The following F13A1 variants were observed in gnomAD, a reference collection of about 807,000 sequenced individuals.
F13A1 encodes the protein FSF, A subunit.
Under a neutral mutation model 80.1 loss-of-function variants are expected in F13A1, and 47 were observed. The observed-to-expected ratio is 0.59, with a 90% CI of 0.46 to 0.75. F13A1 has a LOEUF of 0.75. Ranked by LOEUF, F13A1 falls within the 30% of genes least tolerant of loss-of-function variation. The pLI is 0.00. For synonymous variants in F13A1, 349 were observed against 344.9 expected (o/e 1.01, Z -0.13); for missense variants, 817 against 930.4 (o/e 0.88, Z 1.59).
chr6:6,250,534 A>G lies in F13A1; in HGVS notation c.690+277T>C. ...GAACTAATGAGATTTCACTGTTCTA[A>G]GTGGCCAAAGCATTTCTCAATAGAA... is the stretch of plus-strand genomic sequence containing the variant. On this transcript the variant is annotated intron_variant, in intron 5 of 14. Coordinates refer to ENST00000264870, the MANE Select transcript of F13A1 (RefSeq NM_000129.4). The surrounding 1 kb of genome is among the most constrained non-coding windows in gnomAD (Gnocchi z 4.2). Among the ~76,000 whole-genome samples, 1 of 152,196 alleles carries G rather than the reference A, an allele frequency of 6.6e-6. No homozygotes were observed. Among genetic ancestry groups the G allele is most frequent in the East Asian group, 1.9e-4 (1 of 5,202 alleles).
rs901998055 is a variant in F13A1, at chr6:6,145,300, G to T, written c.*319C>A. 2.7e-6 allele frequency: 1 copy of T among 376,368 alleles called. No homozygotes were observed. The highest frequency in any genetic ancestry group is 2.1e-5 in the African/African-American group (1 of 48,048). The allele number at this position is 376,368 out of a possible 1,614,324, so 23.3% of individuals were successfully genotyped here. A position where few individuals can be genotyped will look rare whatever the true frequency, so the allele number is the denominator to read the frequency against. ...TTGAGCAAATCTCCCTGGTAAGAGA[G>T]CCCACTGATATTTGGAGATGTAGCC... On this transcript the variant is annotated 3_prime_UTR_variant, in exon 15 of 15. Coordinates refer to ENST00000264870, the MANE Select transcript of F13A1 (RefSeq NM_000129.4).
At chr6:6,233,989 A>G (rs962699499) in intron 6 of F13A1, among the ~76,000 whole-genome samples, 12 of 152,152 alleles carry the variant, frequency 7.9e-5, no homozygotes, top group Non-Finnish European at 1.6e-4. Context: ...CACAGCCAAC[A>G]TAATACTGAA....
At chr6:6,280,599 C>T (rs544273981) in intron 3 of F13A1, among the ~76,000 whole-genome samples, 1 of 152,108 alleles carries the variant, frequency 6.6e-6, no homozygotes, top group African/African-American at 2.4e-5. Context: ...CATAGATAAA[C>T]AATACAGGAG....
At chr6:6,241,913 C>T (rs1057290797) in intron 6 of F13A1, among the ~76,000 whole-genome samples, 8 of 152,046 alleles carry the variant, frequency 5.3e-5, no homozygotes, top group East Asian at 1.9e-4. Flanking sequence ...GTTTGCTCAA[C>T]GTGAAGCTTC....
intron 6 of F13A1, among the ~76,000 whole-genome samples, chr6:6,237,221 T>C (rs2113082399): frequency 6.6e-6 from 1 of 152,288 alleles, no homozygotes; most frequent in African/African-American, 2.4e-5. Flanking sequence ...TTGTGCCTGC[T>C]CCGCCATTTG....
chr6:6,266,676 G>A lies in F13A1; in HGVS notation c.453C>T (p.Pro151=). The stretch of plus-strand genomic sequence containing the variant: ...TGCGGAATTTCCCCACAATACATTT[G>A]GGGGAAGACTGGATGGACAGCCGCA... ...RSVRLSIQSS[P]KCIVGKFRMY... Residue 151 remains proline, a synonymous_variant, in exon 4 of 15, where the codon CCC becomes CCT. Transcript: ENST00000264870. 1.9e-6 allele frequency: 3 copies of A among 1,614,186 alleles called. No homozygotes were observed. Among genetic ancestry groups the A allele is most frequent in the South Asian group, 1.1e-5 (1 of 91,074 alleles).
Position 6,174,673 on chromosome 6 carries a change from C to T in F13A1, c.1654G>A (p.Ala552Thr), listed in dbSNP as rs771107452. Residue 552 changes from alanine (A) to threonine (T), a missense_variant, in exon 12 of 15, where the codon GCT (alanine) becomes ACT (threonine). Coordinates refer to ENST00000264870, the MANE Select transcript of F13A1 (RefSeq NM_000129.4). ...AAGGTGATGTTGGCTGAGAGATAAG[C>T]TGTGATGGTGTAACGGTTGTGGCTG... ...NNSHNRYTITAYLSANITFYT... is the reference protein window; with the variant it reads ...NNSHNRYTITTYLSANITFYT... 1 of 1,614,122 alleles carries T rather than the reference C, an allele frequency of 6.2e-7. No individual in the cohort carries two copies. The highest frequency in any genetic ancestry group is 8.5e-7 in the Non-Finnish European group (1 of 1,180,020).
rs145714310 is a variant in F13A1 at position 6,174,165 on chromosome 6, G to A, written c.1747+415C>T. ...AGCACTTTGGCAGGCCGAGGTGGGTGGATCACCTGAGGTCAGGAGTTTGAG... is the reference window on the plus strand; with the variant it reads ...AGCACTTTGGCAGGCCGAGGTGGGTAGATCACCTGAGGTCAGGAGTTTGAG... On this transcript the variant is annotated intron_variant, in intron 12 of 14. Coordinates refer to ENST00000264870, the MANE Select transcript of F13A1 (RefSeq NM_000129.4). Among the ~76,000 whole-genome samples, 214 of 152,104 alleles carry A rather than the reference G, an allele frequency of 1.4e-3. 3 individuals are homozygous for A. The East Asian group carries it at 0.036, about 26-fold the overall frequency.
At chr6:6,244,487 A>T (rs546225629) in intron 6 of F13A1, among the ~76,000 whole-genome samples, 1 of 152,218 alleles carries the variant, frequency 6.6e-6, no homozygotes, top group African/African-American at 2.4e-5. Flanking sequence ...TAATCTCTAG[A>T]TGATGAGAAT....
At chr6:6,154,759 T>A (rs1168814757) in intron 13 of F13A1, among the ~76,000 whole-genome samples, 1 of 152,220 alleles carries the variant, frequency 6.6e-6, no homozygotes, top group Non-Finnish European at 1.5e-5. Context: ...TCCAATATAT[T>A]TTTTCCTGCA....
intron 2 of F13A1, among the ~76,000 whole-genome samples, chr6:6,310,400 A>G (rs1386614235): frequency 6.6e-6 from 1 of 152,212 alleles, no homozygotes; most frequent in African/African-American, 2.4e-5. Flanking sequence ...CAGCCTCAGA[A>G]AAGTTATTTA....
chr6:6,182,292 G>A, intron 10 of F13A1, 151 bp from the exon 11 acceptor site: 1 of 789,930 alleles, frequency 1.3e-6, no homozygotes, highest in Non-Finnish European at 2.1e-6. Flanking sequence ...GGCCAAACAG[G>A]TTTTGAAAAT....
intron 10 of F13A1, among the ~76,000 whole-genome samples, chr6:6,183,842 C>T (rs1761030301): frequency 6.6e-6 from 1 of 152,066 alleles, no homozygotes; most frequent in African/African-American, 2.4e-5. Context: ...GTTCCTGATT[C>T]TATAAAATAA....
At chr6:6,206,837 T>C (rs533203568) in intron 8 of F13A1, among the ~76,000 whole-genome samples, 3 of 150,282 alleles carry the variant, frequency 2.0e-5, no homozygotes, top group African/African-American at 7.4e-5. Context: ...TCAGCAGATA[T>C]ATGTCAGGAA....
intron 8 of F13A1, among the ~76,000 whole-genome samples, chr6:6,202,429 C>G (rs1761412702): frequency 6.6e-6 from 1 of 152,188 alleles, no homozygotes; most frequent in South Asian, 2.1e-4. Context: ...AGGGCCCAGT[C>G]ATTAGGAGGT....
At chr6:6,312,394 G>T (rs1016637284) in intron 2 of F13A1, among the ~76,000 whole-genome samples, 1 of 148,514 alleles carries the variant, frequency 6.7e-6, no homozygotes, top group African/African-American at 2.5e-5. Flanking sequence ...CTTGGGGGCC[G>T]GGCGCGGTGG....
intron 6 of F13A1, among the ~76,000 whole-genome samples, chr6:6,231,579 C>T (rs529547776): frequency 6.6e-6 from 1 of 152,272 alleles, no homozygotes; most frequent in East Asian, 1.9e-4. Flanking sequence ...ACAAACAACA[C>T]CCAGGAAATT....
intron 13 of F13A1, among the ~76,000 whole-genome samples, chr6:6,163,371 G>T (rs1244451284): frequency 6.6e-6 from 1 of 152,152 alleles, no homozygotes; most frequent in African/African-American, 2.4e-5. Context: ...GGGTACATGT[G>T]CAGGTTTGTT....
chr6:6,148,602 T>C (rs1430213860), intron 14 of F13A1, among the ~76,000 whole-genome samples: 3 of 152,206 alleles, frequency 2.0e-5, no homozygotes, highest in Non-Finnish European at 4.4e-5. Flanking sequence ...CTTGGCAACA[T>C]AGGGCACAGT....
Sources: allele counts gnomAD v4.1 joint callset (sites outside exome capture counted in the v4.1 genomes callset), GRCh38; gene constraint gnomAD v4.1.1; non-coding constraint Gnocchi (gnomAD v3.1); transcripts MANE v1.5; gene names NCBI Gene and HGNC (gene_info 2026-07-23, HGNC 2026-07-21).